The following ROBO1 variants were observed in gnomAD, a reference collection of about 807,000 sequenced individuals.
The protein encoded by ROBO1 is roundabout homolog 1.
A neutral mutation model predicts 195.9 loss-of-function variants in ROBO1; 149 were observed. The ratio of observed to expected loss-of-function variants is 0.76; its 90% CI spans 0.67 to 0.87. The LOEUF is 0.87. Among genes scored for constraint, ROBO1 ranks in the 40% least tolerant of loss-of-function variants. The pLI is 0.00. For synonymous variants in ROBO1, 816 were observed against 733.2 expected (o/e 1.11, Z -1.82); for missense variants, 1,933 against 2,068.3 (o/e 0.93, Z 1.27).
At chr3:79,648,562 TTAAAA>T (rs1402416756) in intron 1 of ROBO1, among the ~76,000 whole-genome samples, 2 of 152,152 alleles carry the variant, frequency 1.3e-5, no homozygotes, top group African/African-American at 2.4e-5. Context: ...ATAGACGTAC[TTAAAA>T]TAATTAATGA....
chr3:79,257,753 T>C (rs779246422), intron 2 of ROBO1, among the ~76,000 whole-genome samples: 1 of 152,100 alleles, frequency 6.6e-6, no homozygotes, highest in Non-Finnish European at 1.5e-5. Context: ...AAAATGATGT[T>C]AGAATAGTGG....
intron 3 of ROBO1, among the ~76,000 whole-genome samples, chr3:79,034,342 T>G (rs1386041112): frequency 1.3e-5 from 2 of 152,102 alleles, no homozygotes; most frequent in African/African-American, 4.8e-5. Context: ...ATGAAAAACG[T>G]CTCCACATTT....
chr3:78,685,647 T>G, intron 10 of ROBO1, 99 bp downstream of exon 10: 1 of 742,884 alleles, frequency 1.3e-6, no homozygotes, highest in African/African-American at 1.8e-5. Context: ...AAAATAGCCA[T>G]AAAAAGGTAT....
At chr3:78,846,570 A>G (rs1356601364) in intron 4 of ROBO1, among the ~76,000 whole-genome samples, 1 of 152,164 alleles carries the variant, frequency 6.6e-6, no homozygotes, top group Admixed American at 6.6e-5. Flanking sequence ...ATATCACTTT[A>G]TAAATAGAAT....
chr3:79,167,410 T>G (rs769477377), intron 2 of ROBO1, among the ~76,000 whole-genome samples: 5 of 152,182 alleles, frequency 3.3e-5, no homozygotes, highest in Admixed American at 1.3e-4. Flanking sequence ...ATCCACATTG[T>G]ATTTTTGTCA....
chr3:78,911,579 A>C (rs1028855628), intron 4 of ROBO1, among the ~76,000 whole-genome samples: 3 of 152,050 alleles, frequency 2.0e-5, no homozygotes, highest in Non-Finnish European at 2.9e-5. Flanking sequence ...GTGCTGTTGG[A>C]AACTGCTGAT....
intron 2 of ROBO1, among the ~76,000 whole-genome samples, chr3:79,348,365 T>C (rs980763057): frequency 1.3e-5 from 2 of 152,158 alleles, no homozygotes; most frequent in Admixed American, 6.5e-5. Flanking sequence ...CCAAAGTTGA[T>C]GGCCAAATAT....
chr3:79,316,903 A>G (rs955505742), intron 2 of ROBO1, among the ~76,000 whole-genome samples: 1 of 152,148 alleles, frequency 6.6e-6, no homozygotes, highest in African/African-American at 2.4e-5. Context: ...ATTAAACATT[A>G]TCATTGTCAT....
At chr3:78,765,500 A>T (rs1247529576) in intron 4 of ROBO1, among the ~76,000 whole-genome samples, 1 of 152,158 alleles carries the variant, frequency 6.6e-6, no homozygotes, top group Non-Finnish European at 1.5e-5. Flanking sequence ...TATCTTTAAA[A>T]CTTGAAAAAA....
At chr3:79,456,059 G>A (rs768740284) in intron 2 of ROBO1, among the ~76,000 whole-genome samples, 2 of 152,048 alleles carry the variant, frequency 1.3e-5, no homozygotes, top group Non-Finnish European at 2.9e-5. Flanking sequence ...TCATGCTCAG[G>A]CATTACTTAA....
chr3:79,444,683 T>G (rs2039178381), intron 2 of ROBO1, among the ~76,000 whole-genome samples: 1 of 151,822 alleles, frequency 6.6e-6, no homozygotes, highest in Non-Finnish European at 1.5e-5. Context: ...TGGTCCAAAC[T>G]TTATTTTTTT....
At chr3:78,651,561 T>A (rs1706660021) in intron 19 of ROBO1, among the ~76,000 whole-genome samples, 171 bp downstream of exon 19, 1 of 152,158 alleles carries the variant, frequency 6.6e-6, no homozygotes, top group Non-Finnish European at 1.5e-5. Flanking sequence ...TTCTGCTATG[T>A]AAGAGAAGTT....
At chr3:79,499,043 G>C (rs996944987) in intron 2 of ROBO1, among the ~76,000 whole-genome samples, 17 of 152,092 alleles carry the variant, frequency 1.1e-4, no homozygotes, top group Admixed American at 7.9e-4. Flanking sequence ...CGCCCAGGCT[G>C]GAGTGCAATG....
At chr3:79,161,952 T>C (rs1250060636) in intron 2 of ROBO1, among the ~76,000 whole-genome samples, 2 of 152,122 alleles carry the variant, frequency 1.3e-5, no homozygotes, top group African/African-American at 4.8e-5. Context: ...TGAGCTGCAG[T>C]TATACATATT....
intron 8 of ROBO1, among the ~76,000 whole-genome samples, chr3:78,694,725 T>C (rs2081248243): frequency 6.6e-6 from 1 of 152,148 alleles, no homozygotes; most frequent in Non-Finnish European, 1.5e-5. Flanking sequence ...GCCTTTTAAA[T>C]GACAGTAAGA....
At chr3:79,545,768 AC>A (rs1453808728) in intron 2 of ROBO1, among the ~76,000 whole-genome samples, 1 of 152,132 alleles carries the variant, frequency 6.6e-6, no homozygotes. Context: ...GTATCTCTTT[AC>A]TTTTAGAAAA....
chr3:79,151,453 A>C (rs1576742470), intron 2 of ROBO1, among the ~76,000 whole-genome samples: 2 of 151,598 alleles, frequency 1.3e-5, no homozygotes, highest in Non-Finnish European at 2.9e-5. Context: ...ATCTGCCACT[A>C]TCTATCACTT....
At chr3:79,044,295 T>C (rs1320567564) in intron 3 of ROBO1, among the ~76,000 whole-genome samples, 1 of 152,146 alleles carries the variant, frequency 6.6e-6, no homozygotes, top group Non-Finnish European at 1.5e-5. Context: ...CACTGCTTCA[T>C]GTGGAGCAGG....
rs573160338 is a variant in ROBO1, at chr3:78,614,668, C to T, written c.4415G>A (p.Arg1472His). ...CTCACCATCTGTGTAGGTTTCTCTG[C>T]GCAGATGTCCTGGCTGGTGTTTCAG... ...KKLKHQPGHL[R>H]RETYTDDLPP... The change falls in exon 28 of 31, where the codon CGC (arginine) becomes CAC (histidine). Residue 1472 changes from arginine to histidine, a missense_variant. Transcript: ENST00000464233. 13 of 1,613,546 alleles carry T rather than the reference C, an allele frequency of 8.1e-6. No individual in the cohort carries two copies. The East Asian group carries it at 8.9e-5, about 11-fold the overall frequency.
Sources: gnomAD v4.1 joint callset for allele counts (sites outside exome capture counted in the v4.1 genomes callset) on GRCh38, gnomAD v4.1.1 for gene constraint, MANE v1.5 for transcripts, NCBI Gene and HGNC (gene_info 2026-07-23, HGNC 2026-07-21) for gene names.